The following FAM47E variants were observed in gnomAD, a reference collection of about 807,000 sequenced individuals.
FAM47E encodes protein FAM47E.
A neutral mutation model predicts 41.6 loss-of-function variants in FAM47E; 32 were observed. That is an observed-to-expected ratio of 0.77 (90% CI 0.58 to 1.03). The LOEUF is 1.03. FAM47E is among the 50% of genes least tolerant of loss of function. The probability of loss-of-function intolerance (pLI) is 0.00; values close to 1 mark genes in which losing one functional copy is unlikely to be tolerated. For synonymous variants in FAM47E, 184 were observed against 188.7 expected, an observed-to-expected ratio of 0.98 and a Z score of 0.20; for missense variants, 424 against 485.4, an observed-to-expected ratio of 0.87 and a Z score of 1.19.
At chr4:76,264,097 G>C (rs1245371041) in intron 3 of FAM47E, among the ~76,000 whole-genome samples, 9 of 152,162 alleles carry the variant, frequency 5.9e-5, no homozygotes, top group African/African-American at 1.7e-4. Flanking sequence ...CCCTATGCTT[G>C]AGGGGTAGAA....
upstream of FAM47E, among the ~76,000 whole-genome samples, chr4:76,248,408 G>T (rs1437368979): frequency 2.0e-5 from 3 of 151,966 alleles, 1 homozygote; most frequent in Admixed American, 2.0e-4. Context: ...TTAAATTTAG[G>T]TCTCTAAGCT....
chr4:76,256,653 T>C, intron 2 of FAM47E, 130 bp downstream of exon 2: 1 of 1,181,024 alleles, frequency 8.5e-7, no homozygotes, highest in South Asian at 1.7e-5. Context: ...TCCCCCAGGA[T>C]GCGAGTTCTT....
chr4:76,259,013 C>T (rs1416653616), intron 2 of FAM47E, among the ~76,000 whole-genome samples: 4 of 152,088 alleles, frequency 2.6e-5, no homozygotes, highest in Non-Finnish European at 4.4e-5. Flanking sequence ...GAGAGGATGT[C>T]CCCAGAGGAG....
At chr4:76,253,783 A>G (rs576725999) in intron 1 of FAM47E, among the ~76,000 whole-genome samples, 5 of 149,302 alleles carry the variant, frequency 3.3e-5, no homozygotes, top group Admixed American at 6.7e-5. Context: ...CAGCCTGGGT[A>G]ACAGAGTGGA....
chr4:76,256,413 C>T lies in FAM47E; in HGVS notation c.310C>T (p.Leu104Phe). 1 of 1,552,404 alleles carries T rather than the reference C, an allele frequency of 6.4e-7. No individual in the cohort carries two copies. The highest frequency in any genetic ancestry group is 8.7e-7 in the Non-Finnish European group (1 of 1,147,486). Residue 104 changes from leucine to phenylalanine, a missense_variant, in exon 2 of 8, where the codon CTC (leucine) becomes TTC (phenylalanine). Physicochemically the swap from Leu to Phe is conservative, Grantham distance 22. Coordinates refer to ENST00000424749, the MANE Select transcript of FAM47E (RefSeq NM_001136570.3). Reference protein sequence around the residue: ...LLKEADVLSKLSPAQQARKAF... With the variant: ...LLKEADVLSKFSPAQQARKAF... ...CAAGGAAGCAGACGTGCTTTCCAAG[C>T]TCTCGCCAGCCCAGCAGGCTCGGAA...
At position 76,224,353 on chromosome 4, in the gene FAM47E, C is replaced by G. The variant is rs111673326; in HGVS notation, c.81+6665C>G. On this transcript the variant is annotated intron_variant, in intron 2 of 7. Coordinates refer to the FAM47E transcript ENST00000510197. ...TAGTTTTGCAACTTAGAGCCAGGCA[C>G]CTTAGAGTTAGGCTCCTGCCCTCCC... is the stretch of plus-strand genomic sequence containing the variant. Among the ~76,000 whole-genome samples the G allele has an allele frequency of 5.8e-3, 879 of 152,216 alleles. 11 individuals are homozygous for G. Among genetic ancestry groups the G allele is most frequent in the African/African-American group, 0.02 (831 of 41,496 alleles).
intron 6 of FAM47E, chr4:76,278,596 A>G (rs922682929): frequency 7.0e-6 from 2 of 285,734 alleles, no homozygotes; most frequent in African/African-American, 2.2e-5. Flanking sequence ...ACAAAATGTG[A>G]AGCTTGTTTC....
intron 2 of FAM47E, among the ~76,000 whole-genome samples, chr4:76,231,074 A>T (rs572793372): frequency 6.6e-6 from 1 of 151,760 alleles, no homozygotes. Context: ...ACTCCCTATC[A>T]TAAGCTGCAT....
upstream of FAM47E, among the ~76,000 whole-genome samples, chr4:76,247,192 A>C (rs1244306406): frequency 1.3e-5 from 2 of 152,214 alleles, no homozygotes; most frequent in South Asian, 2.1e-4. Flanking sequence ...CATATAATGG[A>C]GTTATACACT....
chr4:76,233,469 T>C (rs999666480), intron 2 of FAM47E, among the ~76,000 whole-genome samples: 1 of 152,236 alleles, frequency 6.6e-6, no homozygotes, highest in Non-Finnish European at 1.5e-5. Flanking sequence ...TAAAGTCGCG[T>C]GAACTGAAAG....
intron 3 of FAM47E, among the ~76,000 whole-genome samples, chr4:76,267,265 C>G (rs17001729): frequency 0.24 from 36,405 of 152,086 alleles, 4,797 homozygotes; most frequent in African/African-American, 0.34. Context: ...TAAAGAGTAG[C>G]TTCAGGGGAC....
At chr4:76,214,310 G>A in exon 1 of FAM47E, 1 of 456,176 alleles carries the variant, frequency 2.2e-6, no homozygotes, top group Non-Finnish European at 4.4e-6. Flanking sequence ...ATGACCTAGG[G>A]CCCCACATTG....
rs377599508 is a variant in FAM47E, at chr4:76,238,604, T to G, written c.81+20916T>G. 5.3e-5 allele frequency among the ~76,000 whole-genome samples: 8 copies of G among 152,220 alleles called. No homozygotes were observed. The East Asian group carries it at 1.4e-3, about 26-fold the overall frequency. Reference sequence around the variant, plus strand: ...AGCGGACTTAAAGGGGGCAATCAAATGAAACTATTGCACCTGCTTAGGTTC... The same window carrying G: ...AGCGGACTTAAAGGGGGCAATCAAAGGAAACTATTGCACCTGCTTAGGTTC... On this transcript the variant is annotated intron_variant, in intron 2 of 7. Transcript: ENST00000510197.
At chr4:76,231,060 A>G (rs1332773216) in intron 2 of FAM47E, among the ~76,000 whole-genome samples, 3 of 152,124 alleles carry the variant, frequency 2.0e-5, no homozygotes, top group Non-Finnish European at 4.4e-5. Flanking sequence ...GGGGAGTTGC[A>G]TGGACTCCCT....
At chr4:76,242,567 G>C (rs1231036741) in intron 2 of FAM47E, among the ~76,000 whole-genome samples, 1 of 152,186 alleles carries the variant, frequency 6.6e-6, no homozygotes, top group Non-Finnish European at 1.5e-5. Flanking sequence ...AATATTCCTT[G>C]AGTGCCTCTT....
At chr4:76,228,045 T>C (rs934073726) in intron 2 of FAM47E, among the ~76,000 whole-genome samples, 3 of 152,194 alleles carry the variant, frequency 2.0e-5, no homozygotes, top group African/African-American at 7.2e-5. Flanking sequence ...AGTATTGAGA[T>C]GTAAGGTACT....
Position 76,283,412 on chromosome 4 carries a change from G to A in FAM47E, c.1136G>A (p.Cys379Tyr). ...FLENMYIGKECKRACNKTPIK... is the reference protein window; with the variant it reads ...FLENMYIGKEYKRACNKTPIK... ...GAGAATATGTATATCGGGAAGGAAT[G>A]TAAACGTGCATGTAATAAGACTCCT... is the stretch of plus-strand genomic sequence containing the variant. Residue 379 changes from cysteine (C) to tyrosine (Y), a missense_variant, in exon 8 of 8, where the codon TGT (cysteine) becomes TAT (tyrosine). Physicochemically the swap from Cys to Tyr is radical, Grantham distance 194. Transcript: ENST00000424749. 1.3e-6 allele frequency: 2 copies of A among 1,547,818 alleles called. No homozygotes were observed. The highest frequency in any genetic ancestry group is 1.2e-5 in the South Asian group (1 of 83,988).
At chr4:76,244,884 G>A (rs1733792284) in intron 2 of FAM47E, among the ~76,000 whole-genome samples, 1 of 152,066 alleles carries the variant, frequency 6.6e-6, no homozygotes, top group African/African-American at 2.4e-5. Flanking sequence ...TCTTATAAGA[G>A]GTACATTTTT....
chr4:76,281,991 A>T (rs555514666), intron 7 of FAM47E: 6 of 152,294 alleles, frequency 3.9e-5, no homozygotes, highest in African/African-American at 1.4e-4. Context: ...GGGTCATTTG[A>T]TTGTGAGATG....
Sources: allele counts gnomAD v4.1 joint callset (sites outside exome capture counted in the v4.1 genomes callset), GRCh38; gene constraint gnomAD v4.1.1; transcripts MANE v1.5; gene names NCBI Gene and HGNC (gene_info 2026-07-23, HGNC 2026-07-21).